The following PDE8B variants were observed in gnomAD, a reference collection of about 807,000 sequenced individuals.
PDE8B encodes the protein high affinity cAMP-specific and IBMX-insensitive 3',5'-cyclic phosphodiesterase 8B.
A neutral mutation model predicts 101.3 loss-of-function variants in PDE8B; 26 were observed. The observed-to-expected ratio is 0.26, with a 90% CI of 0.19 to 0.36. The LOEUF (loss-of-function observed/expected upper bound fraction) is 0.36. Ranked by LOEUF, PDE8B falls within the 10% of genes least tolerant of loss-of-function variation. The pLI is 1.00. For missense variants in PDE8B, 810 were observed against 1,163.1 expected (o/e 0.70, Z 4.42); for synonymous variants, 424 against 429.3 (o/e 0.99, Z 0.15).
intron 10 of PDE8B, among the ~76,000 whole-genome samples, chr5:77,392,744 G>C (rs1179500083): frequency 1.3e-5 from 2 of 152,152 alleles, no homozygotes; most frequent in Admixed American, 1.3e-4. Flanking sequence ...TTAGCCTGTA[G>C]GGAGGGTGGC....
intron 1 of PDE8B, among the ~76,000 whole-genome samples, chr5:77,253,242 T>C (rs1423784229): frequency 6.6e-6 from 1 of 152,164 alleles, no homozygotes; most frequent in African/African-American, 2.4e-5. Context: ...TGTAAATGAG[T>C]ATAAATTTTA....
chr5:77,349,818 A>G (rs1446845076), intron 8 of PDE8B, among the ~76,000 whole-genome samples: 1 of 152,196 alleles, frequency 6.6e-6, no homozygotes, highest in East Asian at 1.9e-4. Flanking sequence ...CCCATCTGCC[A>G]TTGCTGGAAT....
chr5:77,401,875 T>G lies in PDE8B; in HGVS notation c.1210+1585T>G, dbSNP rs1253485152. Among the ~76,000 whole-genome samples, 3 of 152,240 alleles carry G rather than the reference T, an allele frequency of 2.0e-5. No homozygotes were observed. The East Asian group carries it at 5.8e-4, about 29-fold the overall frequency. On this transcript the variant is annotated intron_variant, in intron 11 of 21. Transcript: ENST00000264917. ...TTTTAATCACTTCTATTGCTATAGA[T>G]TCTCTTAATTTTAACTGAGATAAAA...
rs963156274 is a variant in PDE8B at position 77,405,361 on chromosome 5, G to A, written c.1288+564G>A. On this transcript the variant is annotated intron_variant, in intron 12 of 21. Coordinates refer to ENST00000264917, the MANE Select transcript of PDE8B (RefSeq NM_003719.5). ...AGACGATTCTGACATTTCATTCCTCGGTGTCTGGGAAATTTTAAGTCATAT... is the reference window on the plus strand; with the variant it reads ...AGACGATTCTGACATTTCATTCCTCAGTGTCTGGGAAATTTTAAGTCATAT... Among the ~76,000 whole-genome samples the A allele has an allele frequency of 4.6e-5, 7 of 152,180 alleles. No individual in the cohort carries two copies. The South Asian group carries it at 6.2e-4, about 14-fold the overall frequency.
intron 1 of PDE8B, among the ~76,000 whole-genome samples, chr5:77,269,413 C>A (rs1762351512): frequency 6.6e-6 from 1 of 152,128 alleles, no homozygotes; most frequent in South Asian, 2.1e-4. Context: ...TATTTTCTCC[C>A]ATTCCGTGGG....
At chr5:77,160,319 G>A in the PDE8B span, among the ~76,000 whole-genome samples, 3 of 152,062 alleles carry the variant, frequency 2.0e-5, no homozygotes, top group South Asian at 2.1e-4. Flanking sequence ...CAGGATGCCC[G>A]CTATACCAAA....
intron 1 of PDE8B, among the ~76,000 whole-genome samples, chr5:77,303,524 A>C (rs1484693951): frequency 6.6e-6 from 1 of 151,942 alleles, no homozygotes; most frequent in East Asian, 1.9e-4. Flanking sequence ...AGCCGAGATC[A>C]CTCCACTGCA....
chr5:77,319,280 A>G (rs1350897514), intron 2 of PDE8B, among the ~76,000 whole-genome samples: 2 of 152,236 alleles, frequency 1.3e-5, no homozygotes, highest in Non-Finnish European at 1.5e-5. Flanking sequence ...TCCACAAATC[A>G]CTATGTAAAT....
At chr5:77,309,943 CTTTTTTTTTTT>C (rs955296324) in intron 1 of PDE8B, among the ~76,000 whole-genome samples, 2 of 114,168 alleles carry the variant, frequency 1.8e-5, no homozygotes, top group South Asian at 2.9e-4. Context: ...AATCATTAAT[CTTTTTTTTTTT>C]TTTTTTTTTT....
the PDE8B span, among the ~76,000 whole-genome samples, chr5:77,163,157 T>A: frequency 6.6e-6 from 1 of 152,164 alleles, no homozygotes; most frequent in African/African-American, 2.4e-5. Context: ...TGAATTCAGT[T>A]TCGTGATAGA....
At chr5:77,421,370 G>C (rs191603264) in intron 19 of PDE8B, among the ~76,000 whole-genome samples, 1 of 152,252 alleles carries the variant, frequency 6.6e-6, no homozygotes, top group Admixed American at 6.5e-5. Context: ...AGAAATAATT[G>C]AAGGGTTACA....
chr5:77,135,688 G>T, the PDE8B span, among the ~76,000 whole-genome samples: 1 of 151,912 alleles, frequency 6.6e-6, no homozygotes, highest in East Asian at 1.9e-4. Flanking sequence ...TGTTGGTTGG[G>T]CTGGTCTCGA....
chr5:77,194,480 A>G, the PDE8B span, among the ~76,000 whole-genome samples: 1 of 152,128 alleles, frequency 6.6e-6, no homozygotes, highest in East Asian at 1.9e-4. Flanking sequence ...TAAAGTGTAC[A>G]ATTAAGTAGT....
At chr5:77,214,453 T>C (rs547313122) in intron 1 of PDE8B, among the ~76,000 whole-genome samples, 2 of 152,212 alleles carry the variant, frequency 1.3e-5, no homozygotes, top group Admixed American at 1.3e-4. Flanking sequence ...TTGTAGGTGC[T>C]AGCGATTCAG....
chr5:77,212,575 A>G (rs892613292), intron 1 of PDE8B, among the ~76,000 whole-genome samples: 2 of 152,162 alleles, frequency 1.3e-5, no homozygotes, highest in African/African-American at 4.8e-5. Flanking sequence ...TTGAGCACCT[A>G]CTATGTGCCA....
At chr5:77,248,016 T>C (rs1171618060) in intron 1 of PDE8B, among the ~76,000 whole-genome samples, 2 of 152,198 alleles carry the variant, frequency 1.3e-5, no homozygotes, top group African/African-American at 4.8e-5. Context: ...GGATCTATTA[T>C]AACAGCACGT....
At chr5:77,321,912 G>GA (rs1277894361) in intron 2 of PDE8B, among the ~76,000 whole-genome samples, 4 of 152,128 alleles carry the variant, frequency 2.6e-5, no homozygotes, top group East Asian at 1.9e-4. Flanking sequence ...AATTGGCATT[G>GA]AAAAAATCAT....
At chr5:77,391,189 A>G (rs1789828953) in intron 10 of PDE8B, among the ~76,000 whole-genome samples, 1 of 152,228 alleles carries the variant, frequency 6.6e-6, no homozygotes, top group Non-Finnish European at 1.5e-5. Flanking sequence ...TGATTCTAGG[A>G]GAATTTTCAT....
intron 1 of PDE8B, among the ~76,000 whole-genome samples, chr5:77,260,089 G>A (rs574437034): frequency 4.7e-5 from 7 of 149,054 alleles, no homozygotes; most frequent in Middle Eastern, 3.5e-3. Context: ...GCTTGAACTC[G>A]GGAGTTGCAG....
Sources: allele counts gnomAD v4.1 joint callset (sites outside exome capture counted in the v4.1 genomes callset), GRCh38; gene constraint gnomAD v4.1.1; transcripts MANE v1.5; gene names NCBI Gene and HGNC (gene_info 2026-07-23, HGNC 2026-07-21).